Variants in EPB41L4B observed in about 807,000 individuals in gnomAD.
The protein encoded by EPB41L4B is band 4.1-like protein 4B.
In EPB41L4B, 30 loss-of-function variants were observed where a neutral mutation model predicts 112.5. That is an observed-to-expected ratio of 0.27 (90% CI 0.20 to 0.36). EPB41L4B has a LOEUF of 0.36. Ranked by LOEUF, EPB41L4B falls within the 10% of genes least tolerant of loss-of-function variation. The pLI is 1.00. For synonymous variants in EPB41L4B, 408 were observed against 439.7 expected (o/e 0.93, Z 0.90); for missense variants, 1,024 against 1,133.3 (o/e 0.90, Z 1.38).
At chr9:109,316,817 A>T (rs546567402) in intron 1 of EPB41L4B, among the ~76,000 whole-genome samples, 2 of 152,346 alleles carry the variant, frequency 1.3e-5, no homozygotes, top group Non-Finnish European at 2.9e-5. Flanking sequence ...AAGAACACCC[A>T]GGGGCCAAGC....
chr9:109,311,259 A>G (rs2119265808), intron 1 of EPB41L4B, among the ~76,000 whole-genome samples: 1 of 152,362 alleles, frequency 6.6e-6, no homozygotes, highest in East Asian at 1.9e-4. Context: ...GGTGCAGCTC[A>G]GCAAGTGAAC....
chr9:109,257,928 C>CGAG (rs1208135754), intron 7 of EPB41L4B, among the ~76,000 whole-genome samples: 1 of 152,062 alleles, frequency 6.6e-6, no homozygotes, highest in African/African-American at 2.4e-5. Context: ...ATTGGGAGGT[C>CGAG]GAGGATTCAG....
intron 24 of EPB41L4B, among the ~76,000 whole-genome samples, chr9:109,181,879 G>A (rs1210804423): frequency 6.6e-6 from 1 of 152,084 alleles, no homozygotes; most frequent in African/African-American, 2.4e-5. Context: ...TAAACAAATT[G>A]CAGTATATAG....
chr9:109,312,643 C>G (rs1255989222), intron 1 of EPB41L4B, among the ~76,000 whole-genome samples: 1 of 152,142 alleles, frequency 6.6e-6, no homozygotes, highest in African/African-American at 2.4e-5. Flanking sequence ...CTTTCCTCTA[C>G]AAATCAGGAA....
chr9:109,320,498 C>CCGCTGT lies in EPB41L4B; in HGVS notation c.-53_-52insACAGCG. ...GCCCCCTGCGCTGCCGCTGCCGCTG[C>CCGCTGT]CGCTGCCGCTGCGCCGCCGCCCGGG... On this transcript the variant is annotated 5_prime_UTR_variant, in exon 1 of 26. Coordinates refer to ENST00000374566, the MANE Select transcript of EPB41L4B (RefSeq NM_019114.5). 2 of 934,186 alleles carry CCGCTGT rather than the reference C, an allele frequency of 2.1e-6. No individual in the cohort carries two copies. The highest frequency in any genetic ancestry group is 9.5e-5 in the South Asian group (2 of 21,076). 57.9% of individuals were successfully genotyped at this position (934,186 alleles called of 1,614,324 possible).
At chr9:109,251,447 G>A in intron 13 of EPB41L4B, 34 bp downstream of exon 13, 1 of 1,592,708 alleles carries the variant, frequency 6.3e-7, no homozygotes, top group Non-Finnish European at 8.6e-7. Flanking sequence ...TCCTTAGAGA[G>A]GAGAGCTGTG....
intron 4 of EPB41L4B, among the ~76,000 whole-genome samples, chr9:109,266,368 C>T (rs1345810311): frequency 1.3e-5 from 2 of 151,678 alleles, no homozygotes; most frequent in African/African-American, 2.4e-5. Flanking sequence ...AGAGCCAGAC[C>T]TTGTCTCCAA....
rs1214328110 is a variant in EPB41L4B, at chr9:109,320,010, CGGA to C, written c.306+128_306+130del. 1.3e-5 allele frequency: 10 copies of C among 753,940 alleles called. No individual in the cohort carries two copies. The East Asian group carries it at 1.9e-4, about 14-fold the overall frequency. 46.7% of individuals were successfully genotyped at this position (753,940 alleles called of 1,614,324 possible). On this transcript the variant is annotated intron_variant, in intron 1 of 25. Transcript: ENST00000374566. ...AGAAGAAAAAGGGTTGAGGAGTGCT[CGGA>C]GAAGAGGATGGGGGAGGGGATCCCC...
intron 20 of EPB41L4B, among the ~76,000 whole-genome samples, chr9:109,198,925 C>CAAA (rs56042513): frequency 1.0e-4 from 11 of 106,864 alleles, no homozygotes; most frequent in Admixed American, 4.9e-4. Context: ...GGCTCTGTCT[C>CAAA]AAAAAAAAAA....
At chr9:109,306,419 G>T (rs1837194575) in intron 1 of EPB41L4B, among the ~76,000 whole-genome samples, 2 of 152,118 alleles carry the variant, frequency 1.3e-5, no homozygotes, top group South Asian at 4.1e-4. Flanking sequence ...TTTGAGACCA[G>T]CCTGCCCAAT....
chr9:109,293,664 G>A (rs1233488570), intron 1 of EPB41L4B, among the ~76,000 whole-genome samples: 37 of 148,602 alleles, frequency 2.5e-4, no homozygotes, highest in African/African-American at 9.5e-4. Flanking sequence ...GATTACAGGG[G>A]TGAGCCACCA....
chr9:109,240,754 C>A, intron 15 of EPB41L4B: 1 of 985,430 alleles, frequency 1.0e-6, no homozygotes, highest in South Asian at 4.7e-5. Context: ...ATCTTGATTG[C>A]ACGTTGCTTT....
intron 7 of EPB41L4B, among the ~76,000 whole-genome samples, chr9:109,257,276 T>C (rs1835018641): frequency 6.6e-6 from 1 of 151,968 alleles, no homozygotes; most frequent in Admixed American, 6.6e-5. Context: ...GAGGCAGTGT[T>C]TGGGGAAGAT....
intron 19 of EPB41L4B, among the ~76,000 whole-genome samples, chr9:109,200,779 T>A (rs1206336405): frequency 6.6e-6 from 1 of 151,558 alleles, no homozygotes; most frequent in Non-Finnish European, 1.5e-5. Context: ...ATATTTTTTT[T>A]TTAAAAAAAG....
At chr9:109,232,474 T>C (rs1399710852) in intron 15 of EPB41L4B, among the ~76,000 whole-genome samples, 5 of 152,326 alleles carry the variant, frequency 3.3e-5, no homozygotes, top group Middle Eastern at 6.8e-3. Flanking sequence ...AAAATAATCA[T>C]TGTCACGAAA....
At chr9:109,282,358 G>C (rs1219520769) in intron 1 of EPB41L4B, among the ~76,000 whole-genome samples, 1 of 152,212 alleles carries the variant, frequency 6.6e-6, no homozygotes, top group Non-Finnish European at 1.5e-5. Flanking sequence ...TACACTAAAA[G>C]CTGCTGGATT....
chr9:109,283,309 C>T (rs1051794452), intron 1 of EPB41L4B, among the ~76,000 whole-genome samples: 1 of 152,190 alleles, frequency 6.6e-6, no homozygotes, highest in African/African-American at 2.4e-5. Context: ...TTTCTTTGTG[C>T]AGCTGTATTT....
intron 15 of EPB41L4B, among the ~76,000 whole-genome samples, chr9:109,218,612 T>G (rs1051115579): frequency 2.6e-5 from 4 of 152,242 alleles, no homozygotes; most frequent in African/African-American, 9.6e-5. Context: ...TATGTGGCAC[T>G]GACAGCACCT....
In EPB41L4B at chr9:109,235,390, C is replaced by CTTTTTT. The variant is rs758330838; in HGVS notation, c.1409+8222_1409+8227dup. Among the ~76,000 whole-genome samples, 24 of 87,248 alleles carry CTTTTTT rather than the reference C, an allele frequency of 2.8e-4. 1 individual carries two copies. The highest frequency in any genetic ancestry group is 1.4e-3 in the South Asian group (3 of 2,092). The allele number at this position is 87,248 out of a possible 152,430, so 57.2% of individuals were successfully genotyped here. A position where few individuals can be genotyped will look rare whatever the true frequency, so the allele number is the denominator to read the frequency against. ...TAGAAATACCATTTCTTCAGCTAGA[C>CTTTTTT]TTTTTTTTTTTTTTTTTTTTTTTTA... On this transcript the variant is annotated intron_variant, in intron 15 of 25. Coordinates refer to ENST00000374566, the MANE Select transcript of EPB41L4B (RefSeq NM_019114.5).
Sources: allele counts gnomAD v4.1 joint callset (sites outside exome capture counted in the v4.1 genomes callset), GRCh38; gene constraint gnomAD v4.1.1; transcripts MANE v1.5; gene names NCBI Gene and HGNC (gene_info 2026-07-23, HGNC 2026-07-21).